Variants in USP42 observed in about 807,000 individuals in gnomAD.
The protein encoded by USP42 is ubiquitin carboxyl-terminal hydrolase 42.
A neutral mutation model predicts 113.0 loss-of-function variants in USP42; 23 were observed. The ratio of observed to expected loss-of-function variants is 0.20; its 90% CI spans 0.15 to 0.29. The LOEUF (loss-of-function observed/expected upper bound fraction) is 0.29. Ranked by LOEUF, USP42 falls within the 10% of genes least tolerant of loss-of-function variation. The pLI, the probability that USP42 is intolerant of heterozygous loss-of-function variation, is 1.00. For synonymous variants in USP42, 933 were observed against 699.0 expected (o/e 1.33, Z -5.28); for missense variants, 2,174 against 1,779.8 (o/e 1.22, Z -3.99).
At chr7:6,090,646 C>T in the USP42 span, among the ~76,000 whole-genome samples, 2 of 146,394 alleles carry the variant, frequency 1.4e-5, no homozygotes, top group South Asian at 2.1e-4. Context: ...GCCTAGGAGG[C>T]GGAGGTTGCA....
rs372642571 is a variant in USP42, at chr7:6,140,210, A to G, written c.724+15A>G. On this transcript the variant is annotated intron_variant, in intron 6 of 17. Coordinates refer to ENST00000306177, the MANE Select transcript of USP42 (RefSeq NM_032172.3). ...AAGATCTAGAGGTAAGCTTTTGCTT[A>G]TAAGTTGATAAAATGATACACACAT... is the stretch of plus-strand genomic sequence containing the variant. 5.6e-6 allele frequency: 9 copies of G among 1,605,308 alleles called. No homozygotes were observed. The highest frequency in any genetic ancestry group is 4.5e-5 in the East Asian group (2 of 44,852).
chr7:6,095,003 G>A, the USP42 span, among the ~76,000 whole-genome samples: 1 of 151,262 alleles, frequency 6.6e-6, no homozygotes, highest in African/African-American at 2.5e-5. Context: ...GGCCAGGCTG[G>A]TCTTGAACTC....
intron 3 of USP42, among the ~76,000 whole-genome samples, chr7:6,127,158 C>T (rs1233314061): frequency 6.6e-6 from 1 of 152,192 alleles, no homozygotes; most frequent in Non-Finnish European, 1.5e-5. Flanking sequence ...GTATCTTTCC[C>T]TCATTTTCTA....
intron 9 of USP42, among the ~76,000 whole-genome samples, chr7:6,145,292 CTGCACTCCAGCCTGGG>C (rs1471906779): frequency 2.6e-5 from 4 of 151,372 alleles, no homozygotes; most frequent in African/African-American, 9.7e-5. Flanking sequence ...GATCGTGTCA[CTGCACTCCAGCCTGGG>C]TGATAGAGTG....
intron 4 of USP42, among the ~76,000 whole-genome samples, chr7:6,138,725 T>C (rs1426181485): frequency 6.6e-6 from 1 of 152,178 alleles, no homozygotes; most frequent in African/African-American, 2.4e-5. Context: ...AGCATTAGAT[T>C]CTCATAGCAG....
At chr7:6,103,344 C>G (rs941294975), upstream of USP42, among the ~76,000 whole-genome samples, 1 of 150,618 alleles carries the variant, frequency 6.6e-6, no homozygotes, top group Non-Finnish European at 1.5e-5. Flanking sequence ...CGAGACCAGC[C>G]TGACCAACAT....
chr7:6,137,619 A>C (rs564875578), intron 4 of USP42, among the ~76,000 whole-genome samples: 2 of 151,868 alleles, frequency 1.3e-5, no homozygotes, highest in African/African-American at 4.8e-5. Context: ...TGGCCTCCCA[A>C]AGTGCAGAGA....
At position 6,139,394 on chromosome 7, in the gene USP42, CA is replaced by C; in HGVS notation, c.656+201del. ...AAATTTACACGTGTGTCTTACGTAA[CA>C]GTTTGAGTTGGCTCAATCATAGATG... On this transcript the variant is annotated intron_variant, in intron 5 of 17. Transcript: ENST00000306177. The surrounding 1 kb of genome is among the most constrained non-coding windows in gnomAD (Gnocchi z 4.5). The C allele has an allele frequency of 2.2e-6, 1 of 459,630 alleles. No homozygotes were observed. Among genetic ancestry groups the C allele is most frequent in the Non-Finnish European group, 3.8e-6 (1 of 262,242 alleles). The allele number at this position is 459,630 out of a possible 1,614,324, so 28.5% of individuals were successfully genotyped here.
At chr7:6,135,274 G>A (rs1781068756) in intron 3 of USP42, among the ~76,000 whole-genome samples, 1 of 152,106 alleles carries the variant, frequency 6.6e-6, no homozygotes, top group South Asian at 2.1e-4. Context: ...CTTTGACATT[G>A]GGCAAACTTT....
intron 1 of USP42, 116 bp downstream of exon 1, chr7:6,105,148 GC>G (rs1284981733): frequency 1.4e-4 from 21 of 146,198 alleles, no homozygotes; most frequent in Non-Finnish European, 3.0e-4. Flanking sequence ...CCCGCCGGGG[GC>G]TGGTGCGGCC....
chr7:6,157,044 A>T lies in USP42; in HGVS notation c.3932A>T (p.Glu1311Val). 1.2e-6 allele frequency: 2 copies of T among 1,603,942 alleles called. No homozygotes were observed. Among genetic ancestry groups the T allele is most frequent in the Non-Finnish European group, 1.7e-6 (2 of 1,176,542 alleles). Residue 1311 changes from glutamate (E) to valine (V), a missense_variant, in exon 16 of 18, where the codon GAG becomes GTG. Glu to Val is a moderately radical substitution (Grantham distance 121). Transcript: ENST00000306177. This position sits in a 1 kb window ranked among gnomAD's most constrained non-coding sequence, Gnocchi z 4.1. The part of the protein sequence containing the change: ...ESRDDRCRLF[E>V]YGQGD ...AGGGATGACAGGTGTCGTCTCTTTG[A>T]GTATGGCCAGGGTAAGAGGAGATAC...
intron 4 of USP42, among the ~76,000 whole-genome samples, chr7:6,136,565 G>A (rs1358308008): frequency 2.0e-5 from 3 of 152,060 alleles, no homozygotes; most frequent in South Asian, 2.1e-4. Context: ...TCTTTGCTCT[G>A]AAACTTGGAT....
upstream of USP42, among the ~76,000 whole-genome samples, chr7:6,100,747 A>G (rs1790100742): frequency 1.4e-5 from 2 of 145,354 alleles, no homozygotes; most frequent in African/African-American, 5.3e-5. Context: ...GCAGTGGTGC[A>G]AGCCCACCTC....
At position 6,154,901 on chromosome 7, in the gene USP42, GCCC is replaced by G. The variant is rs771893319; in HGVS notation, c.3350_3352del (p.Pro1117del). The stretch of plus-strand genomic sequence containing the variant: ...GAGAGGGAGCGGCACCGCCCCAGCA[GCCC>G]CCGCGCAGGCGCGCCCCACGCCCTC... On this transcript the variant is annotated inframe_deletion, in exon 15 of 18. Coordinates refer to ENST00000306177, the MANE Select transcript of USP42 (RefSeq NM_032172.3). 3.4e-5 allele frequency: 52 copies of G among 1,543,780 alleles called. No homozygotes were observed. Among genetic ancestry groups the G allele is most frequent in the Non-Finnish European group, 4.4e-5 (50 of 1,143,322 alleles).
At chr7:6,132,720 G>A (rs1780917768) in intron 3 of USP42, among the ~76,000 whole-genome samples, 1 of 152,028 alleles carries the variant, frequency 6.6e-6, no homozygotes, top group African/African-American at 2.4e-5. Context: ...TGCCCAGGCT[G>A]GAGTGCAGCG....
intron 7 of USP42, among the ~76,000 whole-genome samples, chr7:6,141,633 A>G (rs1233490542): frequency 6.6e-6 from 1 of 151,328 alleles, no homozygotes; most frequent in Non-Finnish European, 1.5e-5. Context: ...ATATCAGCTC[A>G]CTGCATCCTC....
chr7:6,146,854 A>G (rs1003034531), intron 11 of USP42, among the ~76,000 whole-genome samples: 1 of 152,176 alleles, frequency 6.6e-6, no homozygotes, highest in Non-Finnish European at 1.5e-5. Context: ...GCCAGGAGCC[A>G]CAGGACAATG....
intron 4 of USP42, among the ~76,000 whole-genome samples, chr7:6,138,389 A>G (rs1237457183): frequency 1.3e-5 from 2 of 152,214 alleles, no homozygotes; most frequent in Non-Finnish European, 2.9e-5. Flanking sequence ...GGAGATTTAT[A>G]TTTTGAATGG....
intron 10 of USP42, 149 bp from the exon 11 acceptor site, chr7:6,145,999 G>C (rs928295061): frequency 2.9e-6 from 2 of 679,460 alleles, no homozygotes; most frequent in African/African-American, 3.7e-5. Flanking sequence ...GAACCCAGGA[G>C]GTGGAGATTG....
Sources: allele counts gnomAD v4.1 joint callset (sites outside exome capture counted in the v4.1 genomes callset), GRCh38; gene constraint gnomAD v4.1.1; non-coding constraint Gnocchi (gnomAD v3.1); transcripts MANE v1.5; gene names NCBI Gene and HGNC (gene_info 2026-07-23, HGNC 2026-07-21).